THRB: variants seen among roughly 807,000 people sequenced by gnomAD.
THRB encodes thyroid hormone receptor beta, also known as nuclear receptor subfamily 1 group A member 2.
THRB carries 12 observed loss-of-function variants against 47.8 expected under a neutral mutation model. The ratio of observed to expected loss-of-function variants is 0.25; its 90% CI spans 0.16 to 0.41. The LOEUF (loss-of-function observed/expected upper bound fraction) is 0.41. Ranked by LOEUF, THRB falls within the 10% of genes least tolerant of loss-of-function variation. THRB has a pLI of 1.00. For missense variants in THRB, 348 were observed against 589.2 expected (o/e 0.59, Z 4.24); for synonymous variants, 218 against 212.2 (o/e 1.03, Z -0.24).
chr3:24,160,229 G>C (rs960527376), intron 5 of THRB, among the ~76,000 whole-genome samples: 4 of 152,168 alleles, frequency 2.6e-5, no homozygotes, highest in African/African-American at 9.7e-5. Context: ...CAAGGTTTCT[G>C]GAACAGAGGG....
chr3:24,178,261 A>G (rs1471631434), intron 5 of THRB, among the ~76,000 whole-genome samples: 1 of 152,218 alleles, frequency 6.6e-6, no homozygotes, highest in African/African-American at 2.4e-5. Flanking sequence ...ATTAAATTCA[A>G]AATTTTATAG....
chr3:24,373,843 C>T (rs1252231868), intron 1 of THRB, among the ~76,000 whole-genome samples: 1 of 152,126 alleles, frequency 6.6e-6, no homozygotes, highest in Non-Finnish European at 1.5e-5. Context: ...CATACTGCAA[C>T]CATTCATACA....
chr3:24,427,881 T>G (rs1394111383), intron 1 of THRB, among the ~76,000 whole-genome samples: 1 of 152,046 alleles, frequency 6.6e-6, no homozygotes, highest in African/African-American at 2.4e-5. Flanking sequence ...TTCCTGAGGT[T>G]TTCCTTGAAA....
intron 4 of THRB, among the ~76,000 whole-genome samples, chr3:24,228,636 G>GA (rs11306713): frequency 0.022 from 1,845 of 85,052 alleles, 39 homozygotes; most frequent in African/African-American, 0.054. Context: ...ATGTCTCAAA[G>GA]AAAAAAAAAA....
chr3:24,285,829 A>G (rs1448659710), intron 3 of THRB, among the ~76,000 whole-genome samples: 2 of 152,142 alleles, frequency 1.3e-5, no homozygotes, highest in African/African-American at 4.8e-5. Flanking sequence ...GTGCTTTATA[A>G]TGTTCACTTG....
At chr3:24,455,271 T>C (rs2073058533) in intron 1 of THRB, 1 of 152,170 alleles carries the variant, frequency 6.6e-6, no homozygotes, top group East Asian at 1.9e-4. Flanking sequence ...AGGTGGAATG[T>C]TGAATTTGAT....
intron 4 of THRB, among the ~76,000 whole-genome samples, chr3:24,214,287 C>G (rs891573606): frequency 1.3e-5 from 2 of 152,162 alleles, no homozygotes; most frequent in Non-Finnish European, 2.9e-5. Context: ...ATGGTATGTA[C>G]TTTGGTCTGA....
At chr3:24,466,084 T>G (rs994843890) in intron 1 of THRB, among the ~76,000 whole-genome samples, 1 of 152,178 alleles carries the variant, frequency 6.6e-6, no homozygotes, top group Non-Finnish European at 1.5e-5. Context: ...GTATGGAGAA[T>G]AAGCAATCAG....
chr3:24,163,471 G>A (rs17014260), intron 5 of THRB, among the ~76,000 whole-genome samples: 3,754 of 152,194 alleles, frequency 0.025, 165 homozygotes, highest in African/African-American at 0.086. Flanking sequence ...AGCCTGAAAC[G>A]TTCTGCAGGA....
chr3:24,118,536 A>G lies in THRB; in HGVS notation c.*4348T>C, dbSNP rs531394435. On this transcript the variant is annotated 3_prime_UTR_variant, in exon 11 of 11. Coordinates refer to ENST00000646209, the MANE Select transcript of THRB (RefSeq NM_001354712.2). ...TGAAAACATTATGGGAAAAAAAAGG[A>G]TTTTCTACGAAGAAAGCATGGAGAA... 9 of 152,760 alleles carry G rather than the reference A, an allele frequency of 5.9e-5. No individual in the cohort carries two copies. The South Asian group carries it at 1.9e-3, about 32-fold the overall frequency. The allele number at this position is 152,760 out of a possible 1,614,324, so 9.5% of individuals were successfully genotyped here. A position where few individuals can be genotyped will look rare whatever the true frequency, so the allele number is the denominator to read the frequency against.
At chr3:24,464,906 TAGTTA>T (rs2074010941) in intron 1 of THRB, among the ~76,000 whole-genome samples, 1 of 152,198 alleles carries the variant, frequency 6.6e-6, no homozygotes, top group African/African-American at 2.4e-5. Flanking sequence ...GCTGTTATAG[TAGTTA>T]AGTTCTGTAT....
chr3:24,133,169 A>G, intron 9 of THRB, 147 bp downstream of exon 9: 1 of 801,704 alleles, frequency 1.2e-6, no homozygotes, highest in African/African-American at 1.7e-5. Flanking sequence ...CAAATGAAAT[A>G]GAATGCATTT....
intron 10 of THRB, among the ~76,000 whole-genome samples, chr3:24,127,099 C>G (rs2032982379): frequency 1.3e-5 from 2 of 152,300 alleles, no homozygotes; most frequent in South Asian, 4.1e-4. Context: ...AAGCCATGAA[C>G]AAATTCTAGC....
rs72619908 is a variant in THRB at position 24,122,777 on chromosome 3, C to G, written c.*107G>C. 4.2e-3 allele frequency: 6,485 copies of G among 1,535,910 alleles called. 160 individuals carry two copies. In the South Asian group the frequency reaches 0.043, roughly 10 times the overall value. The stretch of plus-strand genomic sequence containing the variant: ...CCAAGGACTACTTCCCTTTTCCCTC[C>G]CAAATAATCCCTCCCAACACAAAGA... On this transcript the variant is annotated 3_prime_UTR_variant, in exon 11 of 11. Transcript: ENST00000646209.
chr3:24,331,878 C>T lies in THRB; in HGVS notation c.-189+5422G>A, dbSNP rs997676403. Among the ~76,000 whole-genome samples, 90 of 152,120 alleles carry T rather than the reference C, an allele frequency of 5.9e-4. 6 individuals are homozygous for T. Among genetic ancestry groups the T allele is most frequent in the Non-Finnish European group, 1.0e-4 (7 of 68,026 alleles). Reference sequence around the variant, plus strand: ...GTACTCAAAACCCCCTTTCATCGTTCCCCTTTTTATCCATCATACACTTGG... The same window carrying T: ...GTACTCAAAACCCCCTTTCATCGTTTCCCTTTTTATCCATCATACACTTGG... On this transcript the variant is annotated intron_variant, in intron 2 of 10. Transcript: ENST00000646209.
intron 2 of THRB, among the ~76,000 whole-genome samples, chr3:24,324,465 G>A (rs1011669220): frequency 6.6e-6 from 1 of 151,960 alleles, no homozygotes; most frequent in African/African-American, 2.4e-5. Flanking sequence ...TCCTTTCCTT[G>A]AGAAATTGTG....
intron 1 of THRB, among the ~76,000 whole-genome samples, chr3:24,394,946 C>T (rs1026555612): frequency 3.3e-5 from 5 of 152,094 alleles, no homozygotes; most frequent in Non-Finnish European, 7.4e-5. Flanking sequence ...TGGCAGAGAG[C>T]AGAAGGAAGC....
chr3:24,127,319 C>G (rs2033034309), intron 10 of THRB, among the ~76,000 whole-genome samples, 180 bp downstream of exon 10: 1 of 152,186 alleles, frequency 6.6e-6, no homozygotes, highest in South Asian at 2.1e-4. Context: ...CAAAAAGCAT[C>G]AGACATCTGA....
At chr3:24,271,779 AAATTT>A (rs141726861) in intron 3 of THRB, among the ~76,000 whole-genome samples, 3,200 of 152,210 alleles carry the variant, frequency 0.021, 121 homozygotes, top group African/African-American at 0.072. Context: ...TTCCTTGAGA[AAATTT>A]AATTTAATTT....
Sources: gnomAD v4.1 joint callset for allele counts (sites outside exome capture counted in the v4.1 genomes callset) on GRCh38, gnomAD v4.1.1 for gene constraint, MANE v1.5 for transcripts, NCBI Gene and HGNC (gene_info 2026-07-23, HGNC 2026-07-21) for gene names.